Variants in CCDC148 observed in about 807,000 individuals in gnomAD.
CCDC148 encodes the protein coiled-coil domain containing 148, also known as coiled-coil domain-containing protein 148.
In CCDC148, 89 loss-of-function variants were observed where a neutral mutation model predicts 85.7. The ratio of observed to expected loss-of-function variants is 1.04; its 90% confidence interval spans 0.87 to 1.24. The LOEUF (loss-of-function observed/expected upper bound fraction) is 1.24, where lower values mean the gene tolerates loss of function less well. CCDC148 is among the 50% of genes most tolerant of loss of function. CCDC148 has a pLI of 0.00. For synonymous variants in CCDC148, 230 were observed against 213.9 expected (o/e 1.08, Z -0.66); for missense variants, 692 against 671.7 (o/e 1.03, Z -0.33).
At chr2:158,343,534 C>T (rs528180003) in intron 3 of CCDC148, among the ~76,000 whole-genome samples, 2 of 152,314 alleles carry the variant, frequency 1.3e-5, no homozygotes, top group African/African-American at 2.4e-5. Context: ...TTACCTGGCA[C>T]ATATTAAATT....
At chr2:158,280,783 C>A (rs1372508406) in intron 9 of CCDC148, among the ~76,000 whole-genome samples, 1 of 152,146 alleles carries the variant, frequency 6.6e-6, no homozygotes, top group Non-Finnish European at 1.5e-5. Flanking sequence ...GGACCTAATA[C>A]ACATCTACAG....
At chr2:158,173,454 T>C (rs1312548875) in intron 13 of CCDC148, among the ~76,000 whole-genome samples, 2 of 152,050 alleles carry the variant, frequency 1.3e-5, no homozygotes, top group African/African-American at 2.4e-5. Flanking sequence ...CATAGGAAGA[T>C]GGGTCTGATT....
At chr2:158,444,234 G>A (rs1688065873) in intron 1 of CCDC148, among the ~76,000 whole-genome samples, 1 of 151,984 alleles carries the variant, frequency 6.6e-6, no homozygotes, top group Non-Finnish European at 1.5e-5. Flanking sequence ...ATGGTGAAAT[G>A]ACTGAATCTT....
intron 2 of CCDC148, among the ~76,000 whole-genome samples, chr2:158,353,756 CA>C (rs1319163933): frequency 6.6e-6 from 1 of 152,132 alleles, no homozygotes; most frequent in African/African-American, 2.4e-5. Context: ...CTCTCCACCC[CA>C]AATCAACAGA....
intron 1 of CCDC148, among the ~76,000 whole-genome samples, chr2:158,403,571 A>C (rs764694516): frequency 9.2e-5 from 14 of 152,064 alleles, no homozygotes; most frequent in Admixed American, 2.0e-4. Context: ...CAGCTTTTCC[A>C]AAGTGAAACA....
rs371175519 is a variant in CCDC148 at position 158,377,166 on chromosome 2, T to C, written c.26-18596A>G. ...TTGAAAGTCCTTTTTCAAAAAAACC[T>C]CAATGTCTATGAAAACTAGGGGAAG... On this transcript the variant is annotated intron_variant, in intron 1 of 13. Transcript: ENST00000283233. Among the ~76,000 whole-genome samples, 8 of 151,766 alleles carry C rather than the reference T, an allele frequency of 5.3e-5. No individual in the cohort carries two copies. The East Asian group carries it at 1.6e-3, about 29-fold the overall frequency.
At chr2:158,243,078 T>C (rs1024688889) in intron 10 of CCDC148, among the ~76,000 whole-genome samples, 16 of 152,064 alleles carry the variant, frequency 1.1e-4, no homozygotes, top group Non-Finnish European at 1.9e-4. Flanking sequence ...CAGGCGGCAC[T>C]TTCCCCTTTC....
intron 7 of CCDC148, among the ~76,000 whole-genome samples, chr2:158,314,137 G>C (rs1479730550): frequency 6.6e-6 from 1 of 152,140 alleles, no homozygotes; most frequent in African/African-American, 2.4e-5. Context: ...TAAGTTTGAT[G>C]AGACATAGTA....
chr2:158,195,564 A>AT (rs1397325029), intron 11 of CCDC148, among the ~76,000 whole-genome samples: 1 of 152,018 alleles, frequency 6.6e-6, no homozygotes, highest in African/African-American at 2.4e-5. Context: ...TATTTTCTCC[A>AT]TTTTTGAGAG....
intron 1 of CCDC148, among the ~76,000 whole-genome samples, chr2:158,414,973 A>C (rs1025550546): frequency 3.3e-5 from 5 of 152,140 alleles, no homozygotes; most frequent in African/African-American, 1.2e-4. Flanking sequence ...GTCACCCATA[A>C]AGAGATAATG....
At chr2:158,210,296 A>T (rs1180147713) in intron 11 of CCDC148, among the ~76,000 whole-genome samples, 2 of 152,202 alleles carry the variant, frequency 1.3e-5, no homozygotes, top group Non-Finnish European at 2.9e-5. Flanking sequence ...ATACAGGAGC[A>T]CTCAGATTCA....
chr2:158,294,710 G>T, intron 9 of CCDC148, among the ~76,000 whole-genome samples: 1 of 151,422 alleles, frequency 6.6e-6, no homozygotes. Flanking sequence ...TGTAATCCCA[G>T]CCATGCAGGA....
At chr2:158,232,393 C>T (rs978117427) in intron 10 of CCDC148, among the ~76,000 whole-genome samples, 20 of 151,952 alleles carry the variant, frequency 1.3e-4, no homozygotes, top group Admixed American at 3.9e-4. Flanking sequence ...TGTAATCTTT[C>T]AGATTTTTTC....
At chr2:158,178,840 TA>T in intron 12 of CCDC148, 38 bp downstream of exon 12, 20 of 1,420,780 alleles carry the variant, frequency 1.4e-5, no homozygotes, top group Non-Finnish European at 1.8e-5. Flanking sequence ...ACATTTTTTT[TA>T]AAAAAACCAC....
chr2:158,394,112 A>T (rs1305281114), intron 1 of CCDC148, among the ~76,000 whole-genome samples: 1 of 152,126 alleles, frequency 6.6e-6, no homozygotes, highest in African/African-American at 2.4e-5. Context: ...CACCTGACTC[A>T]TTCCACTTAC....
intron 2 of CCDC148, among the ~76,000 whole-genome samples, chr2:158,351,638 G>C (rs565259220): frequency 1.3e-5 from 2 of 152,160 alleles, no homozygotes; most frequent in Non-Finnish European, 2.9e-5. Flanking sequence ...AGGCGGCAGC[G>C]AGGCTGGGGG....
chr2:158,253,188 CTT>C (rs1476182113), intron 9 of CCDC148, among the ~76,000 whole-genome samples: 2 of 151,756 alleles, frequency 1.3e-5, no homozygotes, highest in East Asian at 3.9e-4. Flanking sequence ...CATCCAAAGT[CTT>C]TCTGCCAGAA....
chr2:158,354,790 G>T (rs1683534053), intron 2 of CCDC148, among the ~76,000 whole-genome samples: 1 of 150,592 alleles, frequency 6.6e-6, no homozygotes, highest in African/African-American at 2.4e-5. Flanking sequence ...GAGAATTTTA[G>T]ACCAATATCC....
intron 10 of CCDC148, among the ~76,000 whole-genome samples, chr2:158,234,969 C>A (rs1033922698): frequency 4.6e-5 from 7 of 151,798 alleles, no homozygotes; most frequent in Non-Finnish European, 1.0e-4. Flanking sequence ...CACAATGGGG[C>A]CTTCCAGAGG....
Sources: allele counts gnomAD v4.1 joint callset (sites outside exome capture counted in the v4.1 genomes callset), GRCh38; gene constraint gnomAD v4.1.1; transcripts MANE v1.5; gene names NCBI Gene and HGNC (gene_info 2026-07-23, HGNC 2026-07-21).